Variants in RRP1 observed in about 807,000 individuals in gnomAD.
The protein encoded by RRP1 is ribosomal RNA processing 1, also known as ribosomal RNA processing protein 1 homolog A.
In RRP1, 37 loss-of-function variants were observed where a neutral mutation model predicts 54.6. The observed-to-expected ratio is 0.68, with a 90% confidence interval of 0.52 to 0.89. The LOEUF is 0.89. Ranked by LOEUF, RRP1 falls within the 40% of genes least tolerant of loss-of-function variation. The probability of loss-of-function intolerance (pLI) is 0.00; values close to 1 mark genes in which losing one functional copy is unlikely to be tolerated. For synonymous variants in RRP1, 262 were observed against 244.3 expected (o/e 1.07, Z -0.67); for missense variants, 639 against 612.5 (o/e 1.04, Z -0.46).
rs73906618 is a variant in RRP1, at chr21:43,799,667, A to G, written c.891+18A>G. Reference sequence around the variant, plus strand: ...TTCTCCAGGTGGGTTCCCTGGGCTCATGGCTGTGCCCTCAGCCTTTGCCCC... The same window carrying G: ...TTCTCCAGGTGGGTTCCCTGGGCTCGTGGCTGTGCCCTCAGCCTTTGCCCC... On this transcript the variant is annotated intron_variant, in intron 9 of 12. Transcript: ENST00000497547. The G allele has an allele frequency of 1.3e-3, 2,128 of 1,600,316 alleles. 22 individuals are homozygous for G. In the African/African-American group the frequency reaches 0.016, roughly 12 times the overall value.
At chr21:43,800,776 A>G (rs1032624692) in intron 10 of RRP1, 86 bp from the exon 11 acceptor site, 1 of 1,576,800 alleles carries the variant, frequency 6.3e-7, no homozygotes, top group Non-Finnish European at 8.7e-7. Context: ...TCCCCTGGCT[A>G]GGAACCTGCA....
At chr21:43,800,712 A>C in intron 10 of RRP1, 98 bp downstream of exon 10, 1 of 1,512,600 alleles carries the variant, frequency 6.6e-7, no homozygotes, top group Non-Finnish European at 9.1e-7. Flanking sequence ...GCCCTTCCGC[A>C]GCCCCCGGGG....
chr21:43,799,440 C>T (rs78765984), intron 8 of RRP1, 130 bp from the exon 9 acceptor site: 123 of 897,636 alleles, frequency 1.4e-4, no homozygotes, highest in African/African-American at 1.3e-3. Flanking sequence ...GTGGGCTGTC[C>T]GTTCCCGGGT....
chr21:43,794,428 C>G (rs2084994245), intron 4 of RRP1, among the ~76,000 whole-genome samples: 1 of 152,176 alleles, frequency 6.6e-6, no homozygotes, highest in Admixed American at 6.5e-5. Flanking sequence ...AGCAGCACAG[C>G]CTTGCGTCAG....
chr21:43,797,358 G>A (rs767684888), intron 5 of RRP1, 64 bp from the exon 6 acceptor site: 6 of 1,544,524 alleles, frequency 3.9e-6, no homozygotes, highest in Non-Finnish European at 4.3e-6. Context: ...ATGGGAGAGT[G>A]GGGGGCACGG....
At chr21:43,799,496 C>A in intron 8 of RRP1, 74 bp from the exon 9 acceptor site, 1 of 1,471,200 alleles carries the variant, frequency 6.8e-7, no homozygotes, top group Non-Finnish European at 9.4e-7. Context: ...ACGGAGCGGG[C>A]TCTCCATTCC....
chr21:43,790,214 G>A (rs1348777230), intron 1 of RRP1, among the ~76,000 whole-genome samples: 1 of 152,240 alleles, frequency 6.6e-6, no homozygotes, highest in Non-Finnish European at 1.5e-5. Context: ...GGTACCAGGT[G>A]GTTCTCCGAG....
At chr21:43,799,746 C>A in intron 9 of RRP1, 97 bp downstream of exon 9, 1 of 1,173,674 alleles carries the variant, frequency 8.5e-7, no homozygotes, top group Non-Finnish European at 1.2e-6. Context: ...GGGAGGATGG[C>A]AGCTGTTGGC....
intron 4 of RRP1, 127 bp from the exon 5 acceptor site, chr21:43,795,062 T>C: frequency 1.2e-6 from 1 of 863,926 alleles, no homozygotes; most frequent in South Asian, 1.4e-5. Flanking sequence ...GCCGGCTGTG[T>C]GCTGGGGCCG....
At chr21:43,801,256 C>T (rs1305082634) in intron 11 of RRP1, among the ~76,000 whole-genome samples, 2 of 152,106 alleles carry the variant, frequency 1.3e-5, no homozygotes, top group Non-Finnish European at 1.5e-5. Context: ...TCCTAGTGGG[C>T]GTCGATGGTT....
chr21:43,797,031 G>A (rs1033930001), intron 5 of RRP1, among the ~76,000 whole-genome samples: 1 of 152,136 alleles, frequency 6.6e-6, no homozygotes, highest in African/African-American at 2.4e-5. Context: ...CTTCCCCAGC[G>A]GTACCCAGTG....
At chr21:43,794,296 A>G (rs970810498) in intron 4 of RRP1, among the ~76,000 whole-genome samples, 3 of 152,140 alleles carry the variant, frequency 2.0e-5, no homozygotes, top group African/African-American at 4.8e-5. Flanking sequence ...CTTAGGGACA[A>G]TGGGGCTCTG....
chr21:43,790,806 C>T (rs1305784595), intron 1 of RRP1: 1 of 339,716 alleles, frequency 2.9e-6, no homozygotes, highest in Non-Finnish European at 5.8e-6. Context: ...CCAGACTGGT[C>T]TTGAACTCCT....
intron 11 of RRP1, among the ~76,000 whole-genome samples, chr21:43,801,735 C>T (rs1010383348): frequency 3.3e-5 from 5 of 152,146 alleles, no homozygotes; most frequent in Non-Finnish European, 7.3e-5. Flanking sequence ...GCGTGAGGAT[C>T]GTGTGCATCT....
rs765171359 is a variant in RRP1 at position 43,798,107 on chromosome 21, G to T, written c.811+7G>T. 1.2e-6 allele frequency: 2 copies of T among 1,601,710 alleles called. No individual in the cohort carries two copies. The highest frequency in any genetic ancestry group is 1.7e-5 in the Admixed American group (1 of 58,140). On this transcript the variant is annotated splice_region_variant and intron_variant, in intron 8 of 12. Coordinates refer to ENST00000497547, the MANE Select transcript of RRP1 (RefSeq NM_003683.6). ...TCTGAGAAGCCGCCCGCAGGTGGGG[G>T]TCACACTGCGCCTGGCTTCTCCTCG... is the stretch of plus-strand genomic sequence containing the variant.
chr21:43,790,054 C>T (rs2084940907), intron 1 of RRP1, among the ~76,000 whole-genome samples: 1 of 152,260 alleles, frequency 6.6e-6, no homozygotes, highest in Admixed American at 6.5e-5. Context: ...TGTACTCCTG[C>T]TGCCCTGCTG....
At chr21:43,793,457 C>CTGTCTCGCT in intron 4 of RRP1, 53 bp downstream of exon 4, 1 of 1,508,790 alleles carries the variant, frequency 6.6e-7, no homozygotes, top group Non-Finnish European at 9.1e-7. Flanking sequence ...GTCTCAGTGC[C>CTGTCTCGCT]TGGCCAAGCG....
Position 43,799,571 on chromosome 21 carries a change from C to T in RRP1, c.813C>T (p.Gly271=), listed in dbSNP as rs1226464564. Reference sequence around the variant, plus strand: ...TTCACGGGGTCCCTTTTGTTCCAGGCTCCATCTGCAGGGCTGAACCTGAGG... The same window carrying T: ...TTCACGGGGTCCCTTTTGTTCCAGGTTCCATCTGCAGGGCTGAACCTGAGG... The part of the protein sequence containing the change: ...SQKRSEKPPA[G]SICRAEPEAG... Residue 271 remains glycine (G), a splice_region_variant and synonymous_variant, in exon 9 of 13, where the codon GGC becomes GGT. Transcript: ENST00000497547. The T allele has an allele frequency of 1.9e-6, 3 of 1,611,108 alleles. No individual in the cohort carries two copies. Among genetic ancestry groups the T allele is most frequent in the Non-Finnish European group, 2.5e-6 (3 of 1,179,576 alleles).
At chr21:43,802,673 C>T (rs900065005) in intron 12 of RRP1, among the ~76,000 whole-genome samples, 2 of 152,204 alleles carry the variant, frequency 1.3e-5, no homozygotes, top group Admixed American at 6.5e-5. Flanking sequence ...TGCCTCCTTC[C>T]GTGCCTCCGT....
Sources: allele counts gnomAD v4.1 joint callset (sites outside exome capture counted in the v4.1 genomes callset), GRCh38; gene constraint gnomAD v4.1.1; transcripts MANE v1.5; gene names NCBI Gene and HGNC (gene_info 2026-07-23, HGNC 2026-07-21).